The following NIN variants were observed in gnomAD, a reference collection of about 807,000 sequenced individuals.
The protein encoded by NIN is glycogen synthase kinase 3 beta-interacting protein.
NIN carries 137 observed loss-of-function variants against 257.6 expected under a neutral mutation model. That is an observed-to-expected ratio of 0.53 (90% CI 0.46 to 0.61). The LOEUF (loss-of-function observed/expected upper bound fraction) is 0.61. Ranked by LOEUF, NIN falls within the 20% of genes least tolerant of loss-of-function variation. The pLI is 0.00. For missense variants in NIN, 2,439 were observed against 2,501.2 expected (o/e 0.98, Z 0.53); for synonymous variants, 918 against 919.8 (o/e 1.00, Z 0.04).
chr14:50,759,781 G>C (rs1487611509), intron 17 of NIN, 76 bp downstream of exon 17: 1 of 1,482,574 alleles, frequency 6.7e-7, no homozygotes, highest in South Asian at 1.3e-5. Flanking sequence ...GAGCCACCGC[G>C]CCCAGCCACA....
At chr14:50,780,138 A>G (rs2043076198) in intron 5 of NIN, among the ~76,000 whole-genome samples, 1 of 152,248 alleles carries the variant, frequency 6.6e-6, no homozygotes, top group African/African-American at 2.4e-5. Context: ...GTAGGTCCAC[A>G]GTGGCTGTGG....
Position 50,772,425 on chromosome 14 carries a change from A to G in NIN, c.857T>C (p.Met286Thr), listed in dbSNP as rs147260112. The G allele has an allele frequency of 9.9e-5, 159 of 1,614,174 alleles. No individual in the cohort carries two copies. The African/African-American group carries it at 2.0e-3, about 20-fold the overall frequency. The change falls in exon 9 of 31, where the codon ATG becomes ACG. Residue 286 changes from methionine to threonine, a missense_variant. Physicochemically the swap from Met to Thr is moderately conservative, Grantham distance 81 (BLOSUM62 -1). Around this residue, in one of 3 missense-constraint regions of NIN, gnomAD observed 387 missense variants for 427.3 expected, o/e 0.91. Transcript: ENST00000530997. ...SGRRTTTSSA[M>T]TSTIGFRVFS... The stretch of plus-strand genomic sequence containing the variant: ...GACCCGAAAGCCAATGGTACTTGTC[A>G]TTGCTGATGAGGTTGTGGTACGTCG...
intron 7 of NIN, among the ~76,000 whole-genome samples, chr14:50,775,520 T>A (rs2042888783): frequency 1.3e-5 from 2 of 152,224 alleles, no homozygotes; most frequent in Admixed American, 1.3e-4. Context: ...AGCTCCTCTG[T>A]GGTTTAGAGC....
intron 10 of NIN, 122 bp downstream of exon 10, chr14:50,771,210 G>T: frequency 1.6e-6 from 2 of 1,263,446 alleles, no homozygotes; most frequent in Non-Finnish European, 2.2e-6. Context: ...GTGTGCAGCA[G>T]TTGGATAGAA....
chr14:50,772,495 GCCTAGCTTGATT>G (rs747840694), intron 8 of NIN, 27 bp from the exon 9 acceptor site: 4 of 1,609,474 alleles, frequency 2.5e-6, no homozygotes, highest in Non-Finnish European at 3.4e-6. Flanking sequence ...ACTTGAGTAA[GCCTAGCTTGATT>G]CCAGGCATTT....
At chr14:50,772,155 A>G in intron 9 of NIN, 146 bp downstream of exon 9, 1 of 768,880 alleles carries the variant, frequency 1.3e-6, no homozygotes, top group South Asian at 2.3e-5. Context: ...AAGGGCTAAA[A>G]AAAAAGTTAC....
At chr14:50,728,291 C>T (rs73295436) in intron 29 of NIN, among the ~76,000 whole-genome samples, 5,097 of 152,108 alleles carry the variant, frequency 0.034, 278 homozygotes, top group African/African-American at 0.12. Flanking sequence ...AACACTCTAC[C>T]ATCACAATTT....
At chr14:50,808,530 G>T (rs966177111) in intron 3 of NIN, among the ~76,000 whole-genome samples, 8 of 152,256 alleles carry the variant, frequency 5.3e-5, no homozygotes, top group African/African-American at 1.7e-4. Context: ...GAGACATTAC[G>T]AAGCCTCTCC....
At chr14:50,831,457 C>T (rs927445092), upstream of NIN, among the ~76,000 whole-genome samples, 3 of 152,264 alleles carry the variant, frequency 2.0e-5, no homozygotes, top group African/African-American at 7.2e-5. Context: ...CCTACACTCA[C>T]CCGCACCGCG....
At chr14:50,829,378 A>T (rs1205184441) in intron 2 of NIN, among the ~76,000 whole-genome samples, 1 of 152,164 alleles carries the variant, frequency 6.6e-6, no homozygotes, top group Non-Finnish European at 1.5e-5. Flanking sequence ...GAAAAAAGGA[A>T]TTTTCCTTGT....
intron 2 of NIN, among the ~76,000 whole-genome samples, chr14:50,828,190 G>A (rs2045551557): frequency 6.6e-6 from 1 of 151,924 alleles, no homozygotes; most frequent in Admixed American, 6.5e-5. Context: ...CTGAGGCTAT[G>A]AGTATGGTAC....
At chr14:50,743,349 CG>C in intron 24 of NIN, 66 bp downstream of exon 24, 3 of 1,027,950 alleles carry the variant, frequency 2.9e-6, no homozygotes. Context: ...CTCTTTTTAC[CG>C]GGATTTCTGT....
chr14:50,811,333 T>G (rs989279192), intron 3 of NIN, among the ~76,000 whole-genome samples: 5 of 151,772 alleles, frequency 3.3e-5, no homozygotes, highest in African/African-American at 1.2e-4. Flanking sequence ...GGTCTCAAAC[T>G]CCTGACCTCA....
chr14:50,763,710 A>AT, intron 15 of NIN, 116 bp downstream of exon 15: 1 of 864,734 alleles, frequency 1.2e-6, no homozygotes, highest in Non-Finnish European at 1.7e-6. Flanking sequence ...GTATGGCCAA[A>AT]TTCTTTTTTT....
At chr14:50,805,243 C>A (rs111871820) in intron 4 of NIN, among the ~76,000 whole-genome samples, 1 of 152,156 alleles carries the variant, frequency 6.6e-6, no homozygotes, top group South Asian at 2.1e-4. Context: ...CCAGATGTCG[C>A]ACCATTGTCA....
Position 50,754,731 on chromosome 14 carries a change from A to C in NIN, c.4664+11T>G. ...AAAAATGTCTTAGGAAAATGTAAGT[A>C]TACGTCTTACCACATTTCTTCCTGA... On this transcript the variant is annotated intron_variant, in intron 19 of 30. Transcript: ENST00000530997. The C allele has an allele frequency of 6.3e-7, 1 of 1,584,018 alleles. No individual in the cohort carries two copies. Among genetic ancestry groups the C allele is most frequent in the Non-Finnish European group, 8.6e-7 (1 of 1,163,168 alleles).
chr14:50,728,355 G>A (rs11849871), intron 29 of NIN, among the ~76,000 whole-genome samples: 3,243 of 152,262 alleles, frequency 0.021, 119 homozygotes, highest in African/African-American at 0.074. Context: ...TCCAAAAACA[G>A]ATTTTAAAGC....
rs1251044431 is a variant in NIN at position 50,758,273 on chromosome 14, C to T, written c.2757G>A (p.Leu919=). The T allele has an allele frequency of 6.2e-7, 1 of 1,614,206 alleles. No individual in the cohort carries two copies. Among genetic ancestry groups the T allele is most frequent in the Non-Finnish European group, 8.5e-7 (1 of 1,180,034 alleles). Residue 919 remains leucine, a synonymous_variant, in exon 18 of 31, where the codon CTG becomes CTA. Transcript: ENST00000530997. The part of the protein sequence containing the change: ...VVERQQLLQD[L]EDLRNVSETQ... The stretch of plus-strand genomic sequence containing the variant: ...TTTCAGATACATTTCTTAGGTCTTC[C>T]AGGTCTTGGAGTAGCTGCTGTCTCT...
At chr14:50,818,705 G>T (rs2045052063) in intron 3 of NIN, among the ~76,000 whole-genome samples, 1 of 152,120 alleles carries the variant, frequency 6.6e-6, no homozygotes, top group Admixed American at 6.6e-5. Context: ...TCAAATCAGG[G>T]ATCCACAAGC....
Sources: allele counts gnomAD v4.1 joint callset (sites outside exome capture counted in the v4.1 genomes callset), GRCh38; gene constraint gnomAD v4.1.1; regional missense constraint gnomAD v4.1.1; transcripts MANE v1.5; gene names NCBI Gene and HGNC (gene_info 2026-07-23, HGNC 2026-07-21).